NBAS: variants seen among roughly 807,000 people sequenced by gnomAD.
The protein encoded by NBAS is NBAS subunit of NRZ tethering complex.
A neutral mutation model predicts 302.5 loss-of-function variants in NBAS; 219 were observed. The ratio of observed to expected loss-of-function variants is 0.72; its 90% CI spans 0.65 to 0.81. The LOEUF (loss-of-function observed/expected upper bound fraction) is 0.81. NBAS is among the 30% of genes least tolerant of loss of function. NBAS has a pLI of 0.00. For synonymous variants in NBAS, 1,118 were observed against 1,021.6 expected, an observed-to-expected ratio of 1.09 and a Z score of -1.80; for missense variants, 2,932 against 2,841.6, an observed-to-expected ratio of 1.03 and a Z score of -0.72.
intron 26 of NBAS, among the ~76,000 whole-genome samples, chr2:15,398,377 C>T (rs1025129086): frequency 1.3e-5 from 2 of 152,090 alleles, no homozygotes; most frequent in Non-Finnish European, 2.9e-5. Flanking sequence ...CTGATTCTCC[C>T]GCCTTGGCCT....
intron 12 of NBAS, among the ~76,000 whole-genome samples, chr2:15,486,978 C>T (rs2148608559): frequency 6.6e-6 from 1 of 151,450 alleles, no homozygotes; most frequent in East Asian, 1.9e-4. Flanking sequence ...ATCAATTTTG[C>T]TCAGAATAGC....
intron 41 of NBAS, among the ~76,000 whole-genome samples, chr2:15,290,500 A>T (rs1670259267): frequency 6.6e-6 from 1 of 152,230 alleles, no homozygotes; most frequent in South Asian, 2.1e-4. Context: ...GTAACTGATG[A>T]TATAAGGCAC....
the NBAS span, among the ~76,000 whole-genome samples, chr2:14,805,995 G>A: frequency 2.0e-5 from 3 of 152,160 alleles, no homozygotes; most frequent in Admixed American, 1.3e-4. Context: ...CAAGGATTAT[G>A]TCTTATACAC....
At chr2:15,346,706 T>C (rs1448056389) in intron 35 of NBAS, among the ~76,000 whole-genome samples, 4 of 152,182 alleles carry the variant, frequency 2.6e-5, no homozygotes, top group Non-Finnish European at 4.4e-5. Context: ...TACACACATA[T>C]GCTTATTGCA....
intron 35 of NBAS, among the ~76,000 whole-genome samples, chr2:15,348,608 CA>C: frequency 6.6e-6 from 1 of 151,690 alleles, no homozygotes; most frequent in East Asian, 1.9e-4. Context: ...CCATGCTCAA[CA>C]GAAAAATGAT....
rs142621502 is a variant in NBAS, at chr2:15,361,539, C to T, written c.3817+5041G>A. Among the ~76,000 whole-genome samples, 88 of 151,964 alleles carry T rather than the reference C, an allele frequency of 5.8e-4. No homozygotes were observed. In the East Asian group the frequency reaches 0.016, roughly 27 times the overall value. On this transcript the variant is annotated intron_variant, in intron 32 of 51. Transcript: ENST00000281513. ...AAAAAACAAAAACAAAAAAATGGCA[C>T]AGATTAAATTCGGAATGTTATTTTC... is the stretch of plus-strand genomic sequence containing the variant.
the NBAS span, among the ~76,000 whole-genome samples, chr2:15,118,263 G>T: frequency 2.6e-5 from 4 of 152,282 alleles, no homozygotes; most frequent in Non-Finnish European, 5.9e-5. Context: ...TTCAGGGGCA[G>T]CTGGGGCTAG....
At chr2:15,100,625 A>G in the NBAS span, among the ~76,000 whole-genome samples, 1 of 152,206 alleles carries the variant, frequency 6.6e-6, no homozygotes, top group Non-Finnish European at 1.5e-5. Flanking sequence ...CAGGGTGTCG[A>G]ATTTAGTGAC....
chr2:15,240,913 T>G (rs1667838528), intron 44 of NBAS, among the ~76,000 whole-genome samples: 1 of 152,246 alleles, frequency 6.6e-6, no homozygotes, highest in Admixed American at 6.5e-5. Flanking sequence ...ATCTGTGTTT[T>G]GTTCAACAGA....
intron 21 of NBAS, among the ~76,000 whole-genome samples, chr2:15,428,710 CT>C (rs1677604094): frequency 6.6e-6 from 1 of 152,058 alleles, no homozygotes; most frequent in Non-Finnish European, 1.5e-5. Flanking sequence ...GAAAGAAAAT[CT>C]ACAGGAGGCA....
the NBAS span, among the ~76,000 whole-genome samples, chr2:15,030,956 G>C: frequency 7.2e-5 from 11 of 152,122 alleles, no homozygotes; most frequent in African/African-American, 2.4e-4. Flanking sequence ...GTGATGTCAG[G>C]GTCCTAGGAA....
chr2:15,476,813 G>T (rs562382968), intron 13 of NBAS, among the ~76,000 whole-genome samples: 3 of 152,226 alleles, frequency 2.0e-5, no homozygotes, highest in African/African-American at 4.8e-5. Flanking sequence ...TACATTTTTT[G>T]AATATCACCT....
the NBAS span, among the ~76,000 whole-genome samples, chr2:14,812,878 G>A: frequency 6.6e-6 from 1 of 152,132 alleles, no homozygotes; most frequent in African/African-American, 2.4e-5. Flanking sequence ...GAGGTGATTG[G>A]ATCATGGGGG....
chr2:15,174,214 G>T (rs766132922), intron 51 of NBAS, among the ~76,000 whole-genome samples: 2 of 152,218 alleles, frequency 1.3e-5, no homozygotes, highest in Non-Finnish European at 2.9e-5. Flanking sequence ...TCTTGGTTTT[G>T]TATAAATATG....
chr2:14,951,722 C>T, the NBAS span, among the ~76,000 whole-genome samples: 2 of 152,178 alleles, frequency 1.3e-5, no homozygotes, highest in African/African-American at 4.8e-5. Context: ...TTGTTTATTG[C>T]ATTTCACCTT....
At chr2:14,804,600 C>A in the NBAS span, among the ~76,000 whole-genome samples, 2 of 152,322 alleles carry the variant, frequency 1.3e-5, no homozygotes, top group African/African-American at 4.8e-5. Context: ...AGCAATCAAT[C>A]AGTATTTGTT....
At chr2:15,398,597 AT>A (rs1326865675) in intron 26 of NBAS, among the ~76,000 whole-genome samples, 4 of 109,288 alleles carry the variant, frequency 3.7e-5, no homozygotes, top group Non-Finnish European at 8.4e-5. Context: ...ATGCACAAAA[AT>A]TTAATTAGAT....
intron 35 of NBAS, among the ~76,000 whole-genome samples, chr2:15,335,919 C>T (rs1672560198): frequency 6.6e-6 from 1 of 150,980 alleles, no homozygotes; most frequent in Non-Finnish European, 1.5e-5. Context: ...AGCAAGACTC[C>T]CATCTCCACA....
At chr2:14,920,895 C>T in the NBAS span, among the ~76,000 whole-genome samples, 2 of 151,648 alleles carry the variant, frequency 1.3e-5, no homozygotes, top group African/African-American at 4.9e-5. Context: ...AGCAATAAGG[C>T]TGTTTCACTT....
Sources: allele counts gnomAD v4.1 joint callset (sites outside exome capture counted in the v4.1 genomes callset), GRCh38; gene constraint gnomAD v4.1.1; transcripts MANE v1.5; gene names NCBI Gene and HGNC (gene_info 2026-07-23, HGNC 2026-07-21).